CSMD1: variants seen among roughly 807,000 people sequenced by gnomAD.
CSMD1 encodes CUB and Sushi multiple domains 1.
Under a neutral mutation model 417.5 loss-of-function variants are expected in CSMD1, and 213 were observed. The observed-to-expected ratio is 0.51, with a 90% CI of 0.46 to 0.57. The LOEUF (loss-of-function observed/expected upper bound fraction) is 0.57. Among genes scored for constraint, CSMD1 ranks in the 20% least tolerant of loss-of-function variants. CSMD1 has a pLI of 0.00. For synonymous variants in CSMD1, 2,862 were observed against 1,736.8 expected (o/e 1.65, Z -16.11); for missense variants, 6,923 against 4,529.7 (o/e 1.53, Z -15.17).
chr8:4,480,717 G>A (rs1372267194), intron 2 of CSMD1, among the ~76,000 whole-genome samples: 1 of 152,130 alleles, frequency 6.6e-6, no homozygotes. Context: ...ACAACCACCT[G>A]GTATAGAATC....
At chr8:3,416,399 G>T (rs1813155369) in intron 12 of CSMD1, among the ~76,000 whole-genome samples, 1 of 150,964 alleles carries the variant, frequency 6.6e-6, no homozygotes, top group African/African-American at 2.4e-5. Flanking sequence ...CACTACAAGA[G>T]AAATAGAGAA....
chr8:4,639,999 A>T (rs1803094952), intron 1 of CSMD1, among the ~76,000 whole-genome samples: 1 of 152,216 alleles, frequency 6.6e-6, no homozygotes, highest in Non-Finnish European at 1.5e-5. Flanking sequence ...CTTAACAGTA[A>T]ATCAAAAAAA....
At chr8:4,039,594 A>C (rs1015330224) in intron 3 of CSMD1, among the ~76,000 whole-genome samples, 4 of 152,208 alleles carry the variant, frequency 2.6e-5, no homozygotes, top group Admixed American at 2.6e-4. Context: ...ACTTTCAAAA[A>C]GTCTCATTCT....
intron 3 of CSMD1, among the ~76,000 whole-genome samples, chr8:4,163,075 G>C (rs977157043): frequency 1.3e-5 from 2 of 152,132 alleles, no homozygotes; most frequent in African/African-American, 4.8e-5. Context: ...GGTTAATTTT[G>C]TTTTAGCAAT....
At chr8:4,968,980 C>T (rs1810065534) in intron 1 of CSMD1, among the ~76,000 whole-genome samples, 1 of 152,142 alleles carries the variant, frequency 6.6e-6, no homozygotes, top group South Asian at 2.1e-4. Context: ...TGTGCTTTTG[C>T]ACATAGGTTT....
At chr8:3,844,368 T>G (rs911085961) in intron 5 of CSMD1, among the ~76,000 whole-genome samples, 1 of 152,154 alleles carries the variant, frequency 6.6e-6, no homozygotes, top group Non-Finnish European at 1.5e-5. Context: ...TTCTATCTGG[T>G]AGACACACAT....
chr8:3,747,739 A>G (rs1797130005), intron 6 of CSMD1, among the ~76,000 whole-genome samples: 1 of 152,122 alleles, frequency 6.6e-6, no homozygotes, highest in African/African-American at 2.4e-5. Flanking sequence ...TGATGGTAAA[A>G]CAGTTTTCTA....
In CSMD1 at chr8:4,271,495, C is replaced by G. The variant is rs550939886; in HGVS notation, c.415+148458G>C. ...CAATACATTTTTCATAGAGAAAAAA[C>G]TGCATCAAAATCAGGAGATCTAAAA... On this transcript the variant is annotated intron_variant, in intron 3 of 69. Coordinates refer to ENST00000635120, the MANE Select transcript of CSMD1 (RefSeq NM_033225.6). 1.3e-3 allele frequency among the ~76,000 whole-genome samples: 197 copies of G among 151,744 alleles called. 1 individual carries two copies. Among genetic ancestry groups the G allele is most frequent in the Non-Finnish European group, 2.1e-3 (144 of 67,944 alleles).
chr8:4,393,497 A>T (rs7815034), intron 3 of CSMD1, among the ~76,000 whole-genome samples: 34,837 of 152,150 alleles, frequency 0.23, 4,173 homozygotes, highest in East Asian at 0.36. Context: ...CACTATGTAG[A>T]TTTAAACATA....
intron 29 of CSMD1, among the ~76,000 whole-genome samples, chr8:3,217,045 C>T (rs1047110025): frequency 1.3e-5 from 2 of 151,848 alleles, no homozygotes; most frequent in Non-Finnish European, 2.9e-5. Context: ...GACATCACTG[C>T]CCTAGGCTGC....
chr8:4,688,225 A>G (rs1378341676), intron 1 of CSMD1, among the ~76,000 whole-genome samples: 1 of 152,172 alleles, frequency 6.6e-6, no homozygotes, highest in Non-Finnish European at 1.5e-5. Context: ...CAATCCTTAT[A>G]TCTTACGTCT....
intron 1 of CSMD1, among the ~76,000 whole-genome samples, chr8:4,804,431 G>A (rs568551674): frequency 6.6e-6 from 1 of 151,768 alleles, no homozygotes; most frequent in Non-Finnish European, 1.5e-5. Flanking sequence ...TGAATAAATT[G>A]CCAGTCATAT....
intron 1 of CSMD1, among the ~76,000 whole-genome samples, chr8:4,954,781 C>T (rs7828998): frequency 0.82 from 123,933 of 152,030 alleles, 50,700 homozygotes; most frequent in Admixed American, 0.87. Context: ...CACAGAATTA[C>T]GGTTTTCCAT....
chr8:2,947,517 A>G (rs76620314), intron 68 of CSMD1, among the ~76,000 whole-genome samples: 2 of 152,220 alleles, frequency 1.3e-5, no homozygotes. Flanking sequence ...TGAGAATAAA[A>G]ATCCCTTGTT....
intron 7 of CSMD1, among the ~76,000 whole-genome samples, chr8:3,670,604 A>ATATATATGGGG (rs771999714): frequency 7.1e-6 from 1 of 140,590 alleles, no homozygotes; most frequent in African/African-American, 2.6e-5. Context: ...TATATATTGC[A>ATATATATGGGG]CATATATATG....
intron 5 of CSMD1, among the ~76,000 whole-genome samples, chr8:3,842,619 T>G (rs1234157705): frequency 6.6e-6 from 1 of 152,154 alleles, no homozygotes; most frequent in Non-Finnish European, 1.5e-5. Flanking sequence ...CAAGAAGATG[T>G]TGACAGCTAG....
At chr8:3,410,069 C>G (rs1008574183) in intron 12 of CSMD1, among the ~76,000 whole-genome samples, 5 of 152,130 alleles carry the variant, frequency 3.3e-5, no homozygotes, top group African/African-American at 1.2e-4. Context: ...AATGTTAACA[C>G]TCACTTATGA....
At chr8:4,307,768 G>C (rs188739942) in intron 3 of CSMD1, among the ~76,000 whole-genome samples, 3 of 152,270 alleles carry the variant, frequency 2.0e-5, no homozygotes, top group East Asian at 1.9e-4. Flanking sequence ...ATCAAGGGTG[G>C]AATAAGGTCC....
Position 4,447,208 on chromosome 8 carries a change from A to G in CSMD1, c.303-27143T>C, listed in dbSNP as rs145312703. Among the ~76,000 whole-genome samples, 771 of 152,368 alleles carry G rather than the reference A, an allele frequency of 5.1e-3. 2 individuals are homozygous for G. Among genetic ancestry groups the G allele is most frequent in the African/African-American group, 0.018 (741 of 41,584 alleles). On this transcript the variant is annotated intron_variant, in intron 2 of 69. Coordinates refer to ENST00000635120, the MANE Select transcript of CSMD1 (RefSeq NM_033225.6). The stretch of plus-strand genomic sequence containing the variant: ...CCAATTATTATGGATAAGGGAAAAC[A>G]AATATACATGACAAAGTTCTTGCCT...
Sources: allele counts gnomAD v4.1 joint callset (sites outside exome capture counted in the v4.1 genomes callset), GRCh38; gene constraint gnomAD v4.1.1; transcripts MANE v1.5; gene names NCBI Gene and HGNC (gene_info 2026-07-23, HGNC 2026-07-21).